GRAMD1B: variants seen among roughly 807,000 people sequenced by gnomAD.
The protein encoded by GRAMD1B is protein Aster-B.
GRAMD1B carries 37 observed loss-of-function variants against 99.7 expected under a neutral mutation model. The observed-to-expected ratio is 0.37, with a 90% CI of 0.29 to 0.49. The LOEUF (loss-of-function observed/expected upper bound fraction) is 0.49. Ranked by LOEUF, GRAMD1B falls within the 20% of genes least tolerant of loss-of-function variation. GRAMD1B has a pLI of 0.98. For missense variants in GRAMD1B, 888 were observed against 1,009.2 expected (o/e 0.88, Z 1.63); for synonymous variants, 427 against 387.6 (o/e 1.10, Z -1.19).
intron 1 of GRAMD1B, among the ~76,000 whole-genome samples, chr11:123,359,753 A>G (rs1478563622): frequency 1.3e-5 from 2 of 152,304 alleles, no homozygotes; most frequent in Middle Eastern, 3.4e-3. Flanking sequence ...CCTAGGAAAT[A>G]ATAATTTTTA....
chr11:123,399,503 C>A (rs1477343109), intron 1 of GRAMD1B, among the ~76,000 whole-genome samples: 1 of 152,080 alleles, frequency 6.6e-6, no homozygotes, highest in East Asian at 1.9e-4. Context: ...TTTTTTGGAA[C>A]CTCCATAATG....
chr11:123,575,217 T>A (rs1312971304), intron 2 of GRAMD1B, among the ~76,000 whole-genome samples: 2 of 152,160 alleles, frequency 1.3e-5, no homozygotes, highest in Non-Finnish European at 2.9e-5. Context: ...TTGAAGCCAG[T>A]TAGCAGGGAT....
chr11:123,623,433 A>C lies in GRAMD1B; in HGVS notation c.*838A>C, dbSNP rs971291342. Reference sequence around the variant, plus strand: ...CCTAAGAGCACATTGTTTATTAGCCAGGGTGGAGCGTTTTCGACCTTATTA... The same window carrying C: ...CCTAAGAGCACATTGTTTATTAGCCCGGGTGGAGCGTTTTCGACCTTATTA... On this transcript the variant is annotated 3_prime_UTR_variant, in exon 20 of 20. Coordinates refer to ENST00000635736, the MANE Select transcript of GRAMD1B (RefSeq NM_001387025.1). The C allele has an allele frequency of 6.6e-6, 1 of 152,184 alleles. No homozygotes were observed. Among genetic ancestry groups the C allele is most frequent in the Non-Finnish European group, 1.5e-5 (1 of 68,048 alleles). The allele number at this position is 152,184 out of a possible 1,614,324, so 9.4% of individuals were successfully genotyped here.
chr11:123,387,671 G>C (rs1333984327), intron 1 of GRAMD1B, among the ~76,000 whole-genome samples: 6 of 152,090 alleles, frequency 3.9e-5, no homozygotes, highest in African/African-American at 1.4e-4. Context: ...TTTGTTTCCT[G>C]GCCCTCAGTG....
At chr11:123,433,716 T>C (rs1431215196) in intron 1 of GRAMD1B, among the ~76,000 whole-genome samples, 3 of 144,158 alleles carry the variant, frequency 2.1e-5, no homozygotes, top group African/African-American at 7.6e-5. Flanking sequence ...GTGTGTGTCT[T>C]TGTGTGTATG....
At chr11:123,496,382 A>G (rs1202627766) in intron 2 of GRAMD1B, among the ~76,000 whole-genome samples, 1 of 151,622 alleles carries the variant, frequency 6.6e-6, no homozygotes, top group Non-Finnish European at 1.5e-5. Context: ...TGCTTTTAGG[A>G]TCCTTTTTTA....
rs1277990526 is a variant in GRAMD1B at position 123,430,875 on chromosome 11, C to G, written c.83C>G (p.Pro28Arg). 6 of 702,296 alleles carry G rather than the reference C, an allele frequency of 8.5e-6. No individual in the cohort carries two copies. Among genetic ancestry groups the G allele is most frequent in the Non-Finnish European group, 1.6e-5 (6 of 384,736 alleles). 43.5% of individuals were successfully genotyped at this position (702,296 alleles called of 1,614,324 possible). A position where few individuals can be genotyped will look rare whatever the true frequency, so the allele number is the denominator to read the frequency against. The change falls in exon 1 of 20, where the codon CCG becomes CGG. Residue 28 changes from proline to arginine, a missense_variant. Coordinates refer to ENST00000635736, the MANE Select transcript of GRAMD1B (RefSeq NM_001387025.1). ...PEPQGAPEGS[P>R]VWSSSSTPTL... ...CCGCAGGGTGCGCCCGAGGGCAGCCCGGTCTGGTCCAGTTCGTCGACCCCC... is the reference window on the plus strand; with the variant it reads ...CCGCAGGGTGCGCCCGAGGGCAGCCGGGTCTGGTCCAGTTCGTCGACCCCC...
At chr11:123,560,683 CGTGTGTGTGTGTGTGTGTGTGTGT>C (rs749623875) in intron 2 of GRAMD1B, 34 of 426,254 alleles carry the variant, frequency 8.0e-5, no homozygotes, top group Middle Eastern at 5.5e-4. Flanking sequence ...ACGCCTGGTG[CGTGTGTGTGTGTGTGTGTGTGTGT>C]GTGTGTGTGT....
intron 2 of GRAMD1B, among the ~76,000 whole-genome samples, chr11:123,550,862 G>T (rs1945538773): frequency 6.6e-6 from 1 of 152,148 alleles, no homozygotes; most frequent in Non-Finnish European, 1.5e-5. Context: ...TTCCAGGGTG[G>T]TACCGAATTC....
intron 1 of GRAMD1B, among the ~76,000 whole-genome samples, chr11:123,448,853 A>G (rs897330303): frequency 3.9e-5 from 6 of 152,124 alleles, no homozygotes; most frequent in Non-Finnish European, 7.4e-5. Context: ...TCTCACGTGT[A>G]TTACACAAGC....
At chr11:123,497,393 C>T (rs963122697) in intron 2 of GRAMD1B, among the ~76,000 whole-genome samples, 4 of 152,196 alleles carry the variant, frequency 2.6e-5, no homozygotes, top group Admixed American at 6.5e-5. Context: ...TTGAGTCTCA[C>T]TCAAAGCCTG....
At chr11:123,598,355 C>G (rs1565439858) in intron 7 of GRAMD1B, 1 of 1,121,390 alleles carries the variant, frequency 8.9e-7, no homozygotes, top group Non-Finnish European at 1.4e-6. Context: ...CACTCTAACT[C>G]TCACTGATTT....
At chr11:123,448,069 A>C (rs968169665) in intron 1 of GRAMD1B, among the ~76,000 whole-genome samples, 4 of 151,808 alleles carry the variant, frequency 2.6e-5, no homozygotes, top group Admixed American at 2.0e-4. Context: ...GGGTCTTGCT[A>C]TGTTGCCTAG....
intron 1 of GRAMD1B, among the ~76,000 whole-genome samples, chr11:123,414,383 A>G (rs1255806200): frequency 6.6e-6 from 1 of 152,158 alleles, no homozygotes; most frequent in Non-Finnish European, 1.5e-5. Flanking sequence ...TATTATTCTT[A>G]CTAGTATTTA....
At chr11:123,545,437 G>T (rs1944954664) in intron 2 of GRAMD1B, among the ~76,000 whole-genome samples, 1 of 152,190 alleles carries the variant, frequency 6.6e-6, no homozygotes, top group Non-Finnish European at 1.5e-5. Flanking sequence ...ATCATGTGGG[G>T]ACCTAGTCCA....
chr11:123,371,177 G>C (rs1038370291), intron 1 of GRAMD1B, among the ~76,000 whole-genome samples: 6 of 151,972 alleles, frequency 3.9e-5, no homozygotes, highest in Non-Finnish European at 8.8e-5. Context: ...TTATTTACAT[G>C]AACAAAATAT....
intron 1 of GRAMD1B, among the ~76,000 whole-genome samples, chr11:123,416,087 T>A (rs1175875012): frequency 2.6e-5 from 4 of 152,226 alleles, no homozygotes; most frequent in Non-Finnish European, 4.4e-5. Flanking sequence ...AATGTATAGC[T>A]TAATACAAAA....
rs1292743205 is a variant in GRAMD1B at position 123,471,448 on chromosome 11, A to G, written c.375-9368A>G. On this transcript the variant is annotated intron_variant, in intron 1 of 19. Transcript: ENST00000635736. ...AGTGTCTGAATGAGTCCCGGGAAACATTTTAGGACCAAATAGAAGAAGAGC... is the reference window on the plus strand; with the variant it reads ...AGTGTCTGAATGAGTCCCGGGAAACGTTTTAGGACCAAATAGAAGAAGAGC... Among the ~76,000 whole-genome samples, 7 of 152,188 alleles carry G rather than the reference A, an allele frequency of 4.6e-5. No individual in the cohort carries two copies. In the East Asian group the frequency reaches 1.3e-3, roughly 29 times the overall value.
At chr11:123,578,045 C>T (rs1037045616) in intron 3 of GRAMD1B, among the ~76,000 whole-genome samples, 3 of 152,160 alleles carry the variant, frequency 2.0e-5, no homozygotes, top group Non-Finnish European at 4.4e-5. Flanking sequence ...ACTCACCTGG[C>T]AGAGAGGAGG....
Sources: gnomAD v4.1 joint callset for allele counts (sites outside exome capture counted in the v4.1 genomes callset) on GRCh38, gnomAD v4.1.1 for gene constraint, MANE v1.5 for transcripts, NCBI Gene and HGNC (gene_info 2026-07-23, HGNC 2026-07-21) for gene names.